The following GRID2 variants were observed in gnomAD, a reference collection of about 807,000 sequenced individuals.
The protein encoded by GRID2 is glutamate receptor ionotropic, delta-2.
In GRID2, 33 loss-of-function variants were observed where a neutral mutation model predicts 114.8. The observed-to-expected ratio is 0.29, with a 90% confidence interval of 0.22 to 0.38. The LOEUF is 0.38. Ranked by LOEUF, GRID2 falls within the 10% of genes least tolerant of loss-of-function variation. GRID2 has a pLI of 1.00. For synonymous variants in GRID2, 505 were observed against 449.9 expected, an observed-to-expected ratio of 1.12 and a Z score of -1.55; for missense variants, 1,184 against 1,257.7, an observed-to-expected ratio of 0.94 and a Z score of 0.89.
chr4:93,710,538 A>G (rs1303364043), intron 14 of GRID2, among the ~76,000 whole-genome samples: 1 of 152,248 alleles, frequency 6.6e-6, no homozygotes, highest in African/African-American at 2.4e-5. Flanking sequence ...TAAAGCCAGC[A>G]TAGTACTGGG....
chr4:92,677,647 T>C (rs1733442372), intron 2 of GRID2, among the ~76,000 whole-genome samples: 1 of 152,162 alleles, frequency 6.6e-6, no homozygotes, highest in South Asian at 2.1e-4. Flanking sequence ...TTCTGATTGA[T>C]CATGCCAAAA....
chr4:93,774,964 T>TA (rs1309309021), downstream of GRID2, among the ~76,000 whole-genome samples: 3 of 152,112 alleles, frequency 2.0e-5, no homozygotes, highest in Non-Finnish European at 2.9e-5. Flanking sequence ...ATTTATTTCT[T>TA]AAAAATTGCT....
intron 2 of GRID2, among the ~76,000 whole-genome samples, chr4:92,597,556 G>T (rs2149216544): frequency 6.6e-6 from 1 of 152,240 alleles, no homozygotes; most frequent in South Asian, 2.1e-4. Flanking sequence ...ATTTGGAAGA[G>T]TCTTTAGCAG....
chr4:92,520,623 G>A (rs1724723714), intron 1 of GRID2, among the ~76,000 whole-genome samples: 1 of 151,906 alleles, frequency 6.6e-6, no homozygotes, highest in African/African-American at 2.4e-5. Flanking sequence ...GCGCCCTAAA[G>A]ATCTCCTACA....
At chr4:93,033,679 T>G (rs1724651407) in intron 2 of GRID2, among the ~76,000 whole-genome samples, 2 of 152,084 alleles carry the variant, frequency 1.3e-5, no homozygotes, top group Non-Finnish European at 1.5e-5. Context: ...TCCATTCCTC[T>G]CCTCTCTCTC....
chr4:92,543,409 A>C (rs2149165005), intron 1 of GRID2, among the ~76,000 whole-genome samples: 1 of 152,302 alleles, frequency 6.6e-6, no homozygotes, highest in Non-Finnish European at 1.5e-5. Flanking sequence ...GTTCTATAAA[A>C]ATTTTATAGC....
intron 8 of GRID2, among the ~76,000 whole-genome samples, chr4:93,297,818 G>C (rs1370018481): frequency 6.6e-6 from 1 of 151,942 alleles, no homozygotes; most frequent in Non-Finnish European, 1.5e-5. Flanking sequence ...TCTTTCACTT[G>C]ACCAATTTTC....
At chr4:93,700,348 A>G (rs187930494) in intron 14 of GRID2, among the ~76,000 whole-genome samples, 1 of 152,144 alleles carries the variant, frequency 6.6e-6, no homozygotes, top group Non-Finnish European at 1.5e-5. Flanking sequence ...TTTCATTAAT[A>G]ATCTCTTGGG....
chr4:93,004,421 A>G (rs186537222), intron 2 of GRID2, among the ~76,000 whole-genome samples: 60 of 152,078 alleles, frequency 3.9e-4, no homozygotes, highest in Middle Eastern at 3.4e-3. Context: ...TATGCACTTT[A>G]TTTACCACCT....
chr4:92,934,367 G>A (rs1000522413), intron 2 of GRID2, among the ~76,000 whole-genome samples: 2 of 151,464 alleles, frequency 1.3e-5, no homozygotes, highest in Non-Finnish European at 2.9e-5. Flanking sequence ...TGTGGTTTTT[G>A]TACATTGATT....
intron 2 of GRID2, among the ~76,000 whole-genome samples, chr4:93,058,162 A>T (rs1727441020): frequency 9.0e-6 from 1 of 110,736 alleles, no homozygotes; most frequent in African/African-American, 3.7e-5. Context: ...TAATAATATG[A>T]ATAACTGGAA....
intron 9 of GRID2, among the ~76,000 whole-genome samples, chr4:93,412,898 C>T (rs1260596131): frequency 6.6e-6 from 1 of 152,164 alleles, no homozygotes; most frequent in Admixed American, 6.5e-5. Context: ...CTTCCAGCTT[C>T]ATCCATGTCC....
At chr4:93,311,415 TTTC>T (rs1478656256) in intron 8 of GRID2, among the ~76,000 whole-genome samples, 2 of 152,130 alleles carry the variant, frequency 1.3e-5, no homozygotes, top group African/African-American at 2.4e-5. Context: ...TGTGCACCAA[TTTC>T]TTCTCAGAAG....
rs1768432727 is a variant in GRID2, at chr4:93,422,870, G to C, written c.1447G>C (p.Gly483Arg). ...DVLDALSNYLGFNYEIYVAPD... is the reference protein window; with the variant it reads ...DVLDALSNYLRFNYEIYVAPD... The stretch of plus-strand genomic sequence containing the variant: ...TTTGGATGCCTTATCTAACTACCTG[G>C]GTTTTAACTACGAAATTTACGTAGC... The change falls in exon 10 of 16, where the codon GGT (glycine) becomes CGT (arginine). Residue 483 changes from glycine (G) to arginine (R), a missense_variant. Physicochemically the swap from Gly to Arg is moderately radical, Grantham distance 125. Transcript: ENST00000282020. 2 of 1,613,112 alleles carry C rather than the reference G, an allele frequency of 1.2e-6. No homozygotes were observed. The highest frequency in any genetic ancestry group is 2.7e-5 in the African/African-American group (2 of 74,868).
intron 1 of GRID2, among the ~76,000 whole-genome samples, chr4:92,512,240 T>C (rs2149132572): frequency 6.6e-6 from 1 of 151,998 alleles, no homozygotes; most frequent in South Asian, 2.1e-4. Flanking sequence ...TCATTGTATG[T>C]GTTATAACAT....
At chr4:92,608,162 G>A (rs1448701178) in intron 2 of GRID2, among the ~76,000 whole-genome samples, 1 of 151,776 alleles carries the variant, frequency 6.6e-6, no homozygotes, top group East Asian at 1.9e-4. Flanking sequence ...ATGCTGCAAG[G>A]ACAGAAACAG....
intron 2 of GRID2, among the ~76,000 whole-genome samples, chr4:92,914,745 G>A (rs1024556494): frequency 1.3e-5 from 2 of 152,008 alleles, no homozygotes; most frequent in African/African-American, 2.4e-5. Flanking sequence ...CAAAAGACAC[G>A]GTCTCATTCT....
chr4:92,991,519 G>C (rs1754904849), intron 2 of GRID2, among the ~76,000 whole-genome samples: 1 of 152,118 alleles, frequency 6.6e-6, no homozygotes, highest in Admixed American at 6.5e-5. Context: ...ACCACCCAAA[G>C]GGTAAATAGA....
intron 1 of GRID2, among the ~76,000 whole-genome samples, chr4:92,549,377 A>G (rs1726461327): frequency 6.6e-6 from 1 of 152,084 alleles, no homozygotes; most frequent in Admixed American, 6.6e-5. Flanking sequence ...TTGTATTCAT[A>G]TTTAGTCTTC....
Sources: allele counts gnomAD v4.1 joint callset (sites outside exome capture counted in the v4.1 genomes callset), GRCh38; gene constraint gnomAD v4.1.1; transcripts MANE v1.5; gene names NCBI Gene and HGNC (gene_info 2026-07-23, HGNC 2026-07-21).